Variants in SCMH1 observed in about 807,000 individuals in gnomAD.
SCMH1 encodes the protein polycomb protein SCMH1.
A neutral mutation model predicts 70.8 loss-of-function variants in SCMH1; 37 were observed. The observed-to-expected ratio is 0.52, with a 90% confidence interval of 0.40 to 0.69. The LOEUF is 0.69. Ranked by LOEUF, SCMH1 falls within the 30% of genes least tolerant of loss-of-function variation. The probability of loss-of-function intolerance (pLI) is 0.00; values close to 1 mark genes in which losing one functional copy is unlikely to be tolerated. For missense variants in SCMH1, 607 were observed against 827.3 expected, an observed-to-expected ratio of 0.73 and a Z score of 3.27; for synonymous variants, 292 against 307.4, an observed-to-expected ratio of 0.95 and a Z score of 0.52.
intron 2 of SCMH1, among the ~76,000 whole-genome samples, chr1:41,167,505 T>C (rs762743129): frequency 2.0e-5 from 3 of 152,194 alleles, no homozygotes; most frequent in Non-Finnish European, 4.4e-5. Context: ...TCCTAGGCTT[T>C]ATTTTGATTG....
intron 1 of SCMH1, among the ~76,000 whole-genome samples, chr1:41,209,316 A>C (rs1032633427): frequency 1.3e-5 from 2 of 152,350 alleles, no homozygotes; most frequent in Non-Finnish European, 2.9e-5. Context: ...ATTCCTTCTG[A>C]AACTATTCCA....
intron 1 of SCMH1, among the ~76,000 whole-genome samples, chr1:41,236,544 G>A (rs980682924): frequency 5.9e-5 from 9 of 152,192 alleles, no homozygotes; most frequent in African/African-American, 1.7e-4. Flanking sequence ...AAGACAGACC[G>A]TTTGATTCTG....
intron 1 of SCMH1, among the ~76,000 whole-genome samples, chr1:41,207,766 A>G (rs1057470358): frequency 2.0e-5 from 3 of 152,186 alleles, no homozygotes; most frequent in Non-Finnish European, 4.4e-5. Flanking sequence ...CACTTATTAT[A>G]AAAGTGACCA....
intron 1 of SCMH1, among the ~76,000 whole-genome samples, chr1:41,203,034 GAAAC>G (rs1476112255): frequency 1.3e-5 from 2 of 150,304 alleles, no homozygotes; most frequent in Non-Finnish European, 3.0e-5. Context: ...TTTAAAAAAA[GAAAC>G]AAGTGAAAAA....
chr1:41,095,871 C>A lies in SCMH1; in HGVS notation c.745+17412G>T, dbSNP rs557420989. On this transcript the variant is annotated intron_variant, in intron 8 of 14. Transcript: ENST00000337495. The stretch of plus-strand genomic sequence containing the variant: ...TAAACTAGGGGAATAATTAAGCAAA[C>A]AATTGCATATCCATTCAATTGACTC... 1.6e-3 allele frequency among the ~76,000 whole-genome samples: 247 copies of A among 152,134 alleles called. 2 individuals are homozygous for A. Among genetic ancestry groups the A allele is most frequent in the African/African-American group, 5.7e-3 (237 of 41,510 alleles).
At chr1:41,201,379 C>T (rs1158166016) in intron 1 of SCMH1, among the ~76,000 whole-genome samples, 1 of 152,154 alleles carries the variant, frequency 6.6e-6, no homozygotes, top group African/African-American at 2.4e-5. Flanking sequence ...CTCAGGGCTG[C>T]CAATTCCTCA....
At chr1:41,048,589 T>A in intron 11 of SCMH1, 101 bp downstream of exon 11, 1 of 1,032,076 alleles carries the variant, frequency 9.7e-7, no homozygotes, top group Non-Finnish European at 1.5e-6. Flanking sequence ...TTCCAGAGCC[T>A]GCAGGTATGA....
chr1:41,194,043 T>C (rs1273578923), intron 1 of SCMH1, among the ~76,000 whole-genome samples: 1 of 152,244 alleles, frequency 6.6e-6, no homozygotes, highest in African/African-American at 2.4e-5. Flanking sequence ...GCAAAAGATC[T>C]GGGCTTTATC....
chr1:41,111,547 G>A (rs1032684152), intron 8 of SCMH1, among the ~76,000 whole-genome samples: 4 of 152,160 alleles, frequency 2.6e-5, no homozygotes, highest in Non-Finnish European at 5.9e-5. Context: ...CACCATGTTG[G>A]CCAGGGTGGT....
At chr1:41,148,949 C>T (rs1369210561) in intron 5 of SCMH1, among the ~76,000 whole-genome samples, 1 of 152,094 alleles carries the variant, frequency 6.6e-6, no homozygotes, top group Non-Finnish European at 1.5e-5. Flanking sequence ...CTTCACCATG[C>T]CCGGCTAATT....
At chr1:41,225,536 G>A (rs1053313865) in intron 1 of SCMH1, among the ~76,000 whole-genome samples, 2 of 152,168 alleles carry the variant, frequency 1.3e-5, no homozygotes, top group Non-Finnish European at 2.9e-5. Flanking sequence ...ACGATTAACA[G>A]AATGTAGTAT....
intron 1 of SCMH1, among the ~76,000 whole-genome samples, chr1:41,199,839 G>A (rs879514488): frequency 1.5e-4 from 23 of 152,094 alleles, no homozygotes; most frequent in African/African-American, 4.8e-4. Context: ...ATATACCCTT[G>A]TAACAAACCT....
chr1:41,092,498 G>T (rs541231007), intron 8 of SCMH1, among the ~76,000 whole-genome samples: 2 of 152,270 alleles, frequency 1.3e-5, no homozygotes, highest in South Asian at 4.2e-4. Flanking sequence ...AAAAGCAATG[G>T]CAACAAAAGC....
At chr1:41,149,695 G>C (rs531961338) in intron 5 of SCMH1, among the ~76,000 whole-genome samples, 1 of 152,172 alleles carries the variant, frequency 6.6e-6, no homozygotes, top group Non-Finnish European at 1.5e-5. Context: ...CCGGACTGAA[G>C]CAATACTCAG....
At chr1:41,121,404 T>C (rs1352340413) in intron 6 of SCMH1, among the ~76,000 whole-genome samples, 1 of 152,230 alleles carries the variant, frequency 6.6e-6, no homozygotes. Context: ...CACTCAGTCC[T>C]ACCACACTGT....
intron 1 of SCMH1, among the ~76,000 whole-genome samples, chr1:41,197,000 C>T (rs1372353959): frequency 6.6e-6 from 1 of 152,126 alleles, no homozygotes; most frequent in Admixed American, 6.5e-5. Context: ...CAATGATATA[C>T]TACTTCACAC....
chr1:41,119,807 T>C (rs1229145049), intron 6 of SCMH1, among the ~76,000 whole-genome samples: 1 of 152,112 alleles, frequency 6.6e-6, no homozygotes, highest in Non-Finnish European at 1.5e-5. Flanking sequence ...ACCAGATAAA[T>C]CCTTGGACTT....
At chr1:41,080,788 T>C (rs909565705) in intron 8 of SCMH1, among the ~76,000 whole-genome samples, 2 of 152,126 alleles carry the variant, frequency 1.3e-5, no homozygotes, top group Non-Finnish European at 1.5e-5. Context: ...TAAACGCATC[T>C]ATAAAAAACC....
intron 13 of SCMH1, among the ~76,000 whole-genome samples, chr1:41,030,894 C>T (rs1644427273): frequency 6.6e-6 from 1 of 152,194 alleles, no homozygotes; most frequent in African/African-American, 2.4e-5. Context: ...TCTCTCCAAC[C>T]AGACTATGTC....
Sources: allele counts gnomAD v4.1 joint callset (sites outside exome capture counted in the v4.1 genomes callset), GRCh38; gene constraint gnomAD v4.1.1; transcripts MANE v1.5; gene names NCBI Gene and HGNC (gene_info 2026-07-23, HGNC 2026-07-21).